HERC1: variants seen among roughly 807,000 people sequenced by gnomAD.
HERC1 encodes the protein HECT and RLD domain containing E3 ubiquitin protein ligase family member 1.
HERC1 carries 160 observed loss-of-function variants against 554.3 expected under a neutral mutation model. The observed-to-expected ratio is 0.29, with a 90% CI of 0.25 to 0.33. HERC1 has a LOEUF of 0.33. Among genes scored for constraint, HERC1 ranks in the 10% least tolerant of loss-of-function variants. The pLI is 1.00. For missense variants in HERC1, 4,919 were observed against 5,918.5 expected (o/e 0.83, Z 5.54); for synonymous variants, 2,175 against 2,131.7 (o/e 1.02, Z -0.56).
intron 1 of HERC1, among the ~76,000 whole-genome samples, chr15:63,829,377 C>T (rs1030930532): frequency 5.3e-5 from 8 of 151,182 alleles, no homozygotes; most frequent in Non-Finnish European, 1.2e-4. Flanking sequence ...AAGCTATGAT[C>T]ACGCCACGGC....
intron 18 of HERC1, among the ~76,000 whole-genome samples, chr15:63,724,056 C>A (rs1200145797): frequency 6.6e-6 from 1 of 152,048 alleles, no homozygotes; most frequent in African/African-American, 2.4e-5. Flanking sequence ...TTTTCTAATA[C>A]ATACAAGTAA....
At chr15:63,732,157 C>T (rs1036877122) in intron 14 of HERC1, among the ~76,000 whole-genome samples, 3 of 152,012 alleles carry the variant, frequency 2.0e-5, no homozygotes, top group Admixed American at 6.6e-5. Flanking sequence ...CCAGCCGCCA[C>T]GCCTGGCTAA....
intron 37 of HERC1, 162 bp from the exon 38 acceptor site, chr15:63,675,279 C>T: frequency 1.8e-6 from 1 of 545,090 alleles, no homozygotes; most frequent in South Asian, 4.1e-5. Context: ...AAAAACGAGT[C>T]TATTATGAGA....
chr15:63,616,385 A>C (rs748905335), intron 75 of HERC1, 45 bp downstream of exon 75: 12 of 1,585,332 alleles, frequency 7.6e-6, no homozygotes, highest in Middle Eastern at 1.7e-4. Flanking sequence ...GTCTGTGCAT[A>C]TAGGACGTCA....
At chr15:63,833,523 G>A (rs1312160234) in intron 1 of HERC1, among the ~76,000 whole-genome samples, 1 of 152,084 alleles carries the variant, frequency 6.6e-6, no homozygotes, top group Admixed American at 6.5e-5. Flanking sequence ...AGCCGCTGGA[G>A]GGGCGGGTCT....
chr15:63,737,408 T>C (rs1318135698), intron 12 of HERC1, among the ~76,000 whole-genome samples: 1 of 91,364 alleles, frequency 1.1e-5, no homozygotes, highest in Admixed American at 1.1e-4. Context: ...CAGATATATA[T>C]ATATATATCT....
At chr15:63,622,353 G>A (rs62012822) in intron 74 of HERC1, among the ~76,000 whole-genome samples, 19,694 of 126,268 alleles carry the variant, frequency 0.16, 1,832 homozygotes, top group Middle Eastern at 0.28. Context: ...TTTGAGATGT[G>A]GTCTCGCTCT....
chr15:63,723,075 TAA>T, intron 19 of HERC1, 105 bp downstream of exon 19: 1 of 634,878 alleles, frequency 1.6e-6, no homozygotes, highest in Non-Finnish European at 2.3e-6. Context: ...CTTTTTCTAT[TAA>T]AAAAAAGGGT....
chr15:63,669,750 C>A, intron 39 of HERC1, 52 bp from the exon 40 acceptor site: 1 of 1,503,064 alleles, frequency 6.7e-7, no homozygotes, highest in Non-Finnish European at 9.2e-7. Flanking sequence ...CGAAATAATA[C>A]ATACATCACA....
chr15:63,823,744 G>C (rs1458922331), intron 1 of HERC1, among the ~76,000 whole-genome samples: 2 of 151,850 alleles, frequency 1.3e-5, no homozygotes, highest in Admixed American at 1.3e-4. Flanking sequence ...CCAGTTGAAA[G>C]AAAAAAAGAA....
chr15:63,744,164 G>GTGTGTGTGTGTCTC, intron 12 of HERC1, among the ~76,000 whole-genome samples: 97 of 46,260 alleles, frequency 2.1e-3, no homozygotes, highest in East Asian at 3.9e-3. Flanking sequence ...GTGTGTGTGT[G>GTGTGTGTGTGTCTC]TCTCTCTCTC....
intron 12 of HERC1, among the ~76,000 whole-genome samples, chr15:63,744,473 A>G (rs1465418614): frequency 6.6e-6 from 1 of 152,136 alleles, no homozygotes; most frequent in African/African-American, 2.4e-5. Flanking sequence ...TAGAGGTGCC[A>G]TCTGGGAGTC....
At chr15:63,789,336 C>A (rs1028457571) in intron 1 of HERC1, among the ~76,000 whole-genome samples, 1 of 150,552 alleles carries the variant, frequency 6.6e-6, no homozygotes, top group Non-Finnish European at 1.5e-5. Context: ...GTGATCCGCC[C>A]GCCTCGGCCT....
At position 63,727,822 on chromosome 15, in the gene HERC1, T is replaced by G; in HGVS notation, c.3171A>C (p.Ser1057=). 6.2e-7 allele frequency: 1 copy of G among 1,613,636 alleles called. No homozygotes were observed. The highest frequency in any genetic ancestry group is 1.1e-5 in the South Asian group (1 of 91,054). Residue 1057 remains serine (S), a synonymous_variant, in exon 17 of 78, where the codon TCA becomes TCC. Coordinates refer to ENST00000443617, the MANE Select transcript of HERC1 (RefSeq NM_003922.4). The surrounding 1 kb of genome is among the most constrained non-coding windows in gnomAD (Gnocchi z 4.3). ...GEKLRDVIYV[S]AAGSMLCQIV... ...TCTGGCAGAGCATACTGCCAGCAGCTGAGACGTATATCACATCTATGAAGG... is the reference window on the plus strand; with the variant it reads ...TCTGGCAGAGCATACTGCCAGCAGCGGAGACGTATATCACATCTATGAAGG...
intron 25 of HERC1, among the ~76,000 whole-genome samples, chr15:63,703,398 G>GTGTA (rs569507819): frequency 2.0e-4 from 30 of 152,344 alleles, no homozygotes; most frequent in African/African-American, 6.5e-4. Flanking sequence ...AGCTGAAAAT[G>GTGTA]TGTATACACC....
Position 63,765,056 on chromosome 15 carries a change from T to C in HERC1, c.931-865A>G, listed in dbSNP as rs78685408. Among the ~76,000 whole-genome samples the C allele has an allele frequency of 7.4e-3, 1,124 of 152,332 alleles. 15 individuals are homozygous for C. Among genetic ancestry groups the C allele is most frequent in the African/African-American group, 0.026 (1,079 of 41,576 alleles). ...AAAAATTAAGCTGACGGCTGACTTA[T>C]GCAAGAAGCTGCCTTTCCTTTTGTT... On this transcript the variant is annotated intron_variant, in intron 2 of 77. Coordinates refer to ENST00000443617, the MANE Select transcript of HERC1 (RefSeq NM_003922.4).
intron 63 of HERC1, among the ~76,000 whole-genome samples, chr15:63,638,162 T>C (rs2068870568): frequency 6.6e-6 from 1 of 152,156 alleles, no homozygotes; most frequent in South Asian, 2.1e-4. Context: ...AAATACATAC[T>C]GGGCAGGCCT....
chr15:63,623,677 G>A, intron 73 of HERC1, 48 bp downstream of exon 73: 1 of 1,563,410 alleles, frequency 6.4e-7, no homozygotes. Flanking sequence ...CAGCAAAATG[G>A]CCACTAGCAG....
rs759325315 is a variant in HERC1, at chr15:63,753,129, C to A, written c.1775-44G>T. The A allele has an allele frequency of 6.1e-6, 9 of 1,467,604 alleles. No homozygotes were observed. In the African/African-American group the frequency reaches 1.3e-4, roughly 21 times the overall value. 90.9% of individuals were successfully genotyped at this position (1,467,604 alleles called of 1,614,324 possible). A position where few individuals can be genotyped will look rare whatever the true frequency, so the allele number is the denominator to read the frequency against. ...TAAACAATTTACTTGTTTTAAAGAA[C>A]CTCTACTCTTTTTAACACTACTAAA... On this transcript the variant is annotated intron_variant, in intron 7 of 77. Coordinates refer to ENST00000443617, the MANE Select transcript of HERC1 (RefSeq NM_003922.4).
Sources: allele counts gnomAD v4.1 joint callset (sites outside exome capture counted in the v4.1 genomes callset), GRCh38; gene constraint gnomAD v4.1.1; non-coding constraint Gnocchi (gnomAD v3.1); transcripts MANE v1.5; gene names NCBI Gene and HGNC (gene_info 2026-07-23, HGNC 2026-07-21).